ENTREP2: variants seen among roughly 807,000 people sequenced by gnomAD.
ENTREP2 encodes protein ENTREP2.
At chr15:29,157,878 C>G in the ENTREP2 span, among the ~76,000 whole-genome samples, 118,329 of 151,996 alleles carry the variant, frequency 0.78, 46,784 homozygotes, top group Non-Finnish European at 0.85. Context: ...TACAGGCATA[C>G]GCCACCACGC....
chr15:29,640,410 C>G, the ENTREP2 span, among the ~76,000 whole-genome samples: 1 of 152,106 alleles, frequency 6.6e-6, no homozygotes, highest in Non-Finnish European at 1.5e-5. Flanking sequence ...GTAATCCCAG[C>G]ACTTTGGAAG....
At chr15:29,590,251 G>A in the ENTREP2 span, among the ~76,000 whole-genome samples, 1 of 152,096 alleles carries the variant, frequency 6.6e-6, no homozygotes, top group Non-Finnish European at 1.5e-5. Flanking sequence ...GACCACCTTA[G>A]GGTCAGGAAG....
At chr15:29,306,555 A>G in the ENTREP2 span, among the ~76,000 whole-genome samples, 1 of 151,794 alleles carries the variant, frequency 6.6e-6, no homozygotes, top group African/African-American at 2.4e-5. Flanking sequence ...TTAAAAGCAC[A>G]TACTTGTATT....
At chr15:29,639,066 T>C in the ENTREP2 span, among the ~76,000 whole-genome samples, 1 of 152,250 alleles carries the variant, frequency 6.6e-6, no homozygotes, top group Admixed American at 6.5e-5. Context: ...AAGTGATTTG[T>C]TGAGTTTTCA....
the ENTREP2 span, among the ~76,000 whole-genome samples, chr15:29,454,526 T>C: frequency 6.2e-4 from 94 of 152,310 alleles, 2 homozygotes; most frequent in Middle Eastern, 0.01. Flanking sequence ...TCAGTGACCC[T>C]CTCTTTGCCT....
the ENTREP2 span, among the ~76,000 whole-genome samples, chr15:29,319,408 A>G: frequency 1.3e-5 from 2 of 152,210 alleles, no homozygotes; most frequent in Non-Finnish European, 2.9e-5. Context: ...GGGTTGTTCA[A>G]GTGCCATCTA....
chr15:29,218,232 C>T, the ENTREP2 span, among the ~76,000 whole-genome samples: 4 of 152,124 alleles, frequency 2.6e-5, no homozygotes, highest in African/African-American at 2.4e-5. Context: ...GGCCTCCTGA[C>T]GGGAGGTGGC....
chr15:29,640,743 C>T, the ENTREP2 span, among the ~76,000 whole-genome samples: 1 of 152,138 alleles, frequency 6.6e-6, no homozygotes, highest in African/African-American at 2.4e-5. Context: ...AGGAATTCTA[C>T]CAAACATTTA....
At chr15:29,646,979 T>C in the ENTREP2 span, among the ~76,000 whole-genome samples, 2 of 152,196 alleles carry the variant, frequency 1.3e-5, no homozygotes, top group East Asian at 1.9e-4. Context: ...GAAGACAACA[T>C]TGATTTCTCC....
At chr15:29,415,336 G>A in the ENTREP2 span, among the ~76,000 whole-genome samples, 2 of 152,160 alleles carry the variant, frequency 1.3e-5, no homozygotes, top group Admixed American at 6.5e-5. Flanking sequence ...GGGATGCAAG[G>A]CTGGTTCAAC....
chr15:29,556,050 T>C, the ENTREP2 span, among the ~76,000 whole-genome samples: 9 of 152,264 alleles, frequency 5.9e-5, no homozygotes, highest in East Asian at 1.5e-3. Flanking sequence ...GCCCAGGAGT[T>C]TGAGACCAGT....
chr15:29,533,431 T>C, the ENTREP2 span, among the ~76,000 whole-genome samples: 30 of 152,314 alleles, frequency 2.0e-4, 1 homozygote, highest in Admixed American at 1.9e-3. Flanking sequence ...GCTTGAAAAG[T>C]GACCGGGACA....
At chr15:29,258,818 C>T in the ENTREP2 span, among the ~76,000 whole-genome samples, 2 of 152,168 alleles carry the variant, frequency 1.3e-5, no homozygotes, top group African/African-American at 4.8e-5. Flanking sequence ...AGATATGTTA[C>T]ATACGGGAAA....
At chr15:29,242,857 T>C in the ENTREP2 span, among the ~76,000 whole-genome samples, 1 of 152,196 alleles carries the variant, frequency 6.6e-6, no homozygotes, top group Non-Finnish European at 1.5e-5. Flanking sequence ...GACTCTGGAA[T>C]CTAGAGGTCC....
At chr15:29,250,558 C>T in the ENTREP2 span, among the ~76,000 whole-genome samples, 1 of 152,122 alleles carries the variant, frequency 6.6e-6, no homozygotes, top group Non-Finnish European at 1.5e-5. Flanking sequence ...AGGGGTCAGC[C>T]CTTCAAGCTT....
At chr15:29,606,548 T>C in the ENTREP2 span, among the ~76,000 whole-genome samples, 4 of 152,242 alleles carry the variant, frequency 2.6e-5, no homozygotes, top group East Asian at 7.7e-4. Flanking sequence ...GGTCAGTTTT[T>C]CTGGGTATAA....
the ENTREP2 span, chr15:29,613,636 G>A: frequency 2.8e-5 from 5 of 181,488 alleles, no homozygotes; most frequent in Non-Finnish European, 5.8e-5. Flanking sequence ...CAGACATTGA[G>A]GCTCCTTATA....
the ENTREP2 span, among the ~76,000 whole-genome samples, chr15:29,373,024 G>C: frequency 2.0e-5 from 3 of 152,038 alleles, no homozygotes; most frequent in Admixed American, 6.6e-5. Flanking sequence ...AATAATTTCA[G>C]AATTATGGTC....
the ENTREP2 span, among the ~76,000 whole-genome samples, chr15:29,118,889 G>A: frequency 5.8e-4 from 89 of 152,316 alleles, no homozygotes; most frequent in East Asian, 0.017. Flanking sequence ...AGAGGCGGTG[G>A]CCTGGGGTCC....
Sources: gnomAD v4.1 joint callset for allele counts (sites outside exome capture counted in the v4.1 genomes callset) on GRCh38, gnomAD v4.1.1 for gene constraint, MANE v1.5 for transcripts, NCBI Gene and HGNC (gene_info 2026-07-23, HGNC 2026-07-21) for gene names.